Variants in FLVCR1 observed in about 807,000 individuals in gnomAD.
The protein encoded by FLVCR1 is choline/ethanolamine transporter FLVCR1.
In FLVCR1, 34 loss-of-function variants were observed where a neutral mutation model predicts 53.6. That is an observed-to-expected ratio of 0.63 (90% confidence interval 0.48 to 0.84). The LOEUF (loss-of-function observed/expected upper bound fraction) is 0.84. Among genes scored for constraint, FLVCR1 ranks in the 40% least tolerant of loss-of-function variants. The pLI is 0.00. For missense variants in FLVCR1, 677 were observed against 696.7 expected (o/e 0.97, Z 0.32); for synonymous variants, 300 against 286.3 (o/e 1.05, Z -0.48).
chr1:212,887,831 A>T, intron 5 of FLVCR1, 60 bp from the exon 6 acceptor site: 3 of 891,492 alleles, frequency 3.4e-6, no homozygotes, highest in Non-Finnish European at 5.6e-6. Flanking sequence ...AAGAGTGATG[A>T]TTTTTGTATT....
At chr1:212,881,296 TTTGTC>T (rs1337165845) in intron 3 of FLVCR1, among the ~76,000 whole-genome samples, 3 of 111,812 alleles carry the variant, frequency 2.7e-5, no homozygotes, top group Non-Finnish European at 5.8e-5. Context: ...AAAGAATTTC[TTTGTC>T]TTTTTTTTTT....
intron 8 of FLVCR1, among the ~76,000 whole-genome samples, chr1:212,891,022 T>C (rs1665177840): frequency 6.6e-6 from 1 of 152,198 alleles, no homozygotes; most frequent in Non-Finnish European, 1.5e-5. Flanking sequence ...AACTGTGAAA[T>C]ATGTAATACA....
intron 3 of FLVCR1, among the ~76,000 whole-genome samples, chr1:212,879,587 ACT>A (rs1451402456): frequency 1.3e-5 from 2 of 152,070 alleles, no homozygotes; most frequent in Non-Finnish European, 2.9e-5. Flanking sequence ...GTCTTTATAG[ACT>A]CTGTTGACCA....
chr1:212,873,599 C>T (rs1172799392), intron 3 of FLVCR1, among the ~76,000 whole-genome samples: 2 of 152,218 alleles, frequency 1.3e-5, no homozygotes, highest in African/African-American at 4.8e-5. Context: ...GATATTCATC[C>T]TGACACTGTA....
intron 1 of FLVCR1, among the ~76,000 whole-genome samples, chr1:212,861,043 C>A (rs1328566105): frequency 6.6e-6 from 1 of 152,164 alleles, no homozygotes; most frequent in Non-Finnish European, 1.5e-5. Flanking sequence ...CAAATCTGTT[C>A]CGGGCACATC....
At chr1:212,889,394 A>G (rs974873819) in intron 8 of FLVCR1, 137 bp downstream of exon 8, 2 of 675,996 alleles carry the variant, frequency 3.0e-6, no homozygotes, top group Non-Finnish European at 2.7e-6. Flanking sequence ...TTTCTTCTAA[A>G]GACATGAATC....
intron 3 of FLVCR1, among the ~76,000 whole-genome samples, chr1:212,883,074 T>TG (rs1159635726): frequency 6.6e-6 from 1 of 152,198 alleles, no homozygotes; most frequent in Non-Finnish European, 1.5e-5. Flanking sequence ...ATATATGTGT[T>TG]GCATGTGGGG....
rs141863574 is a variant in FLVCR1, at chr1:212,888,450, C to G, written c.1308-39C>G. ...TGCATCAGTATGTGATTGTGACTTTCTGGTAGTTCTTTCTGTAATTCTGGA... is the reference window on the plus strand; with the variant it reads ...TGCATCAGTATGTGATTGTGACTTTGTGGTAGTTCTTTCTGTAATTCTGGA... On this transcript the variant is annotated intron_variant, in intron 6 of 9. Coordinates refer to ENST00000366971, the MANE Select transcript of FLVCR1 (RefSeq NM_014053.4). 1.8e-4 allele frequency: 243 copies of G among 1,361,670 alleles called. 1 individual carries two copies. The East Asian group carries it at 4.3e-3, about 24-fold the overall frequency. The allele number at this position is 1,361,670 out of a possible 1,614,324, so 84.3% of individuals were successfully genotyped here. A position where few individuals can be genotyped will look rare whatever the true frequency, so the allele number is the denominator to read the frequency against.
rs1393565330 is a variant in FLVCR1 at position 212,859,036 on chromosome 1, TGCA to T, written c.591_593del (p.Gln197del). The T allele has an allele frequency of 2.5e-6, 4 of 1,612,710 alleles. No individual in the cohort carries two copies. Among genetic ancestry groups the T allele is most frequent in the Non-Finnish European group, 3.4e-6 (4 of 1,179,012 alleles). On this transcript the variant is annotated inframe_deletion, in exon 1 of 10. Transcript: ENST00000366971. ...GGTGCCTGGATCAAGTGCGGCAGTG[TGCA>T]GCAGCATCTCTTCTGGGTCACCATG... is the stretch of plus-strand genomic sequence containing the variant.
intron 4 of FLVCR1, among the ~76,000 whole-genome samples, chr1:212,884,173 C>T (rs1664997338): frequency 6.6e-6 from 1 of 152,120 alleles, no homozygotes; most frequent in Admixed American, 6.5e-5. Flanking sequence ...GTGGCGCATG[C>T]CTGTAATTCC....
intron 3 of FLVCR1, among the ~76,000 whole-genome samples, chr1:212,876,123 G>A (rs1572018416): frequency 6.6e-6 from 1 of 151,824 alleles, no homozygotes; most frequent in Admixed American, 6.6e-5. Flanking sequence ...CTGACCTCAG[G>A]CATCACCTAG....
chr1:212,870,542 C>G (rs1379850796), intron 2 of FLVCR1, among the ~76,000 whole-genome samples: 1 of 151,968 alleles, frequency 6.6e-6, no homozygotes, highest in South Asian at 2.1e-4. Flanking sequence ...CCAAATGATT[C>G]CAGTTGCTAG....
Position 212,883,417 on chromosome 1 carries a change from A to G in FLVCR1, c.1071A>G (p.Gln357=). The G allele has an allele frequency of 1.3e-6, 2 of 1,583,814 alleles. No homozygotes were observed. Among genetic ancestry groups the G allele is most frequent in the South Asian group, 1.1e-5 (1 of 89,944 alleles). Residue 357 remains glutamine, a synonymous_variant, in exon 4 of 10, where the codon CAA becomes CAG. Coordinates refer to ENST00000366971, the MANE Select transcript of FLVCR1 (RefSeq NM_014053.4). ...ATTCAGTCTCAACGTTATTAAATCA[A>G]ATGATATTGACATATTATGAGGTAA... ...AFYSVSTLLN[Q]MILTYYEGEE...
chr1:212,889,254 A>G lies in FLVCR1; in HGVS notation c.1522A>G (p.Thr508Ala). The change falls in exon 8 of 10, where the codon ACA becomes GCA. Residue 508 changes from threonine (T) to alanine (A), a missense_variant. By Grantham distance (58) the Thr-to-Ala change is moderately conservative. Coordinates refer to ENST00000366971, the MANE Select transcript of FLVCR1 (RefSeq NM_014053.4). ...CVWMFIGIIL[T>A]ALIKSDLRRH... ...CTGGATGTTTATAGGCATCATATTA[A>G]CAGGTAAATTAGGGCGTTTGCCTGG... is the stretch of plus-strand genomic sequence containing the variant. 5.6e-6 allele frequency: 9 copies of G among 1,599,414 alleles called. No individual in the cohort carries two copies. The highest frequency in any genetic ancestry group is 7.7e-6 in the Non-Finnish European group (9 of 1,166,640).
At chr1:212,888,050 C>A in intron 6 of FLVCR1, 49 bp downstream of exon 6, 1 of 1,088,638 alleles carries the variant, frequency 9.2e-7, no homozygotes, top group South Asian at 1.3e-5. Context: ...TGTTATAATT[C>A]TGAAGTATTA....
intron 3 of FLVCR1, among the ~76,000 whole-genome samples, chr1:212,875,256 A>T (rs2102554494): frequency 6.6e-6 from 1 of 152,372 alleles, no homozygotes; most frequent in Middle Eastern, 3.4e-3. Context: ...GAAAAGTAAC[A>T]ATATAGTCGG....
At position 212,863,825 on chromosome 1, in the gene FLVCR1, G is replaced by C. The variant is rs752511404; in HGVS notation, c.839G>C (p.Gly280Ala). Residue 280 changes from glycine (G) to alanine (A), a missense_variant, in exon 2 of 10, where the codon GGA (glycine) becomes GCA (alanine). Coordinates refer to ENST00000366971, the MANE Select transcript of FLVCR1 (RefSeq NM_014053.4). ...LACNISTMFY[G>A]TSAVATLLFI... The stretch of plus-strand genomic sequence containing the variant: ...TGTAATATCAGCACCATGTTTTATG[G>C]AACATCAGCTGTTGCCACACTTTTA... The C allele has an allele frequency of 9.9e-6, 16 of 1,613,570 alleles. No individual in the cohort carries two copies. Among genetic ancestry groups the C allele is most frequent in the Admixed American group, 3.3e-5 (2 of 59,988 alleles).
chr1:212,883,511 G>C, intron 4 of FLVCR1, 73 bp downstream of exon 4: 2 of 786,446 alleles, frequency 2.5e-6, no homozygotes, highest in East Asian at 5.1e-5. Flanking sequence ...GTCGTTAGCA[G>C]GGTCATGAGA....
At position 212,876,341 on chromosome 1, in the gene FLVCR1, C is replaced by G. The variant is rs149082194; in HGVS notation, c.1024+3523C>G. Reference sequence around the variant, plus strand: ...TGAGAATAACTGCTTCCAGCTCCATCCATGTCCCTGCAAAGGACATGATCT... The same window carrying G: ...TGAGAATAACTGCTTCCAGCTCCATGCATGTCCCTGCAAAGGACATGATCT... On this transcript the variant is annotated intron_variant, in intron 3 of 9. Coordinates refer to ENST00000366971, the MANE Select transcript of FLVCR1 (RefSeq NM_014053.4). 1.3e-4 allele frequency among the ~76,000 whole-genome samples: 19 copies of G among 151,446 alleles called. No individual in the cohort carries two copies. In the East Asian group the frequency reaches 3.7e-3, roughly 30 times the overall value.
Sources: allele counts gnomAD v4.1 joint callset (sites outside exome capture counted in the v4.1 genomes callset), GRCh38; gene constraint gnomAD v4.1.1; transcripts MANE v1.5; gene names NCBI Gene and HGNC (gene_info 2026-07-23, HGNC 2026-07-21).